Variants in DCAF8L2 observed in about 807,000 individuals in gnomAD.
DCAF8L2 encodes DDB1- and CUL4-associated factor 8-like protein 2.
For synonymous variants in DCAF8L2, 200 were observed against 190.9 expected, an observed-to-expected ratio of 1.05 and a Z score of -0.39; for missense variants, 430 against 490.7, an observed-to-expected ratio of 0.88 and a Z score of 1.17.
chrX:27,474,559 A>G, the DCAF8L2 span, among the ~76,000 whole-genome samples: 1 of 112,025 alleles, frequency 8.9e-6, no homozygotes, highest in Non-Finnish European at 1.9e-5. Flanking sequence ...AAGTGGAACT[A>G]TTACCTACTT....
chrX:27,688,712 T>C (rs772889195), intron 3 of DCAF8L2, among the ~76,000 whole-genome samples: 140 of 111,700 alleles, frequency 1.3e-3, no homozygotes, highest in African/African-American at 4.5e-3. Flanking sequence ...GTTAGAAAAC[T>C]TTAAAATGTT....
chrX:27,541,433 G>A, the DCAF8L2 span, among the ~76,000 whole-genome samples: 48 of 106,989 alleles, frequency 4.5e-4, no homozygotes, highest in African/African-American at 1.6e-3. Flanking sequence ...GCAATGGCGC[G>A]ATCTCAGCTC....
chrX:27,578,039 C>CA, the DCAF8L2 span, among the ~76,000 whole-genome samples: 1 of 110,982 alleles, frequency 9.0e-6, no homozygotes, highest in Non-Finnish European at 1.9e-5. Flanking sequence ...TAGAGAATTA[C>CA]AAAAAACAAC....
the DCAF8L2 span, among the ~76,000 whole-genome samples, chrX:27,541,515 T>TGGTA: frequency 9.3e-6 from 1 of 107,907 alleles, no homozygotes; most frequent in Non-Finnish European, 1.9e-5. Flanking sequence ...GATTCAGGCA[T>TGGTA]GCGCTACCAT....
At chrX:27,554,184 C>T in the DCAF8L2 span, among the ~76,000 whole-genome samples, 5 of 111,720 alleles carry the variant, frequency 4.5e-5, no homozygotes, top group African/African-American at 1.6e-4. Context: ...TGTTTGTTGA[C>T]CCTTGCATTA....
At chrX:27,586,348 C>T (rs1012657108), upstream of DCAF8L2, among the ~76,000 whole-genome samples, 8 of 111,483 alleles carry the variant, frequency 7.2e-5, no homozygotes, top group South Asian at 3.7e-4. Context: ...AAAAACCCAG[C>T]GTCAGTATTT....
the DCAF8L2 span, among the ~76,000 whole-genome samples, chrX:27,507,099 C>T: frequency 9.0e-6 from 1 of 111,530 alleles, no homozygotes; most frequent in Non-Finnish European, 1.9e-5. Flanking sequence ...TTTTCTGTAA[C>T]GTAATTGTCT....
the DCAF8L2 span, among the ~76,000 whole-genome samples, chrX:27,577,650 C>T: frequency 9.0e-6 from 1 of 110,831 alleles, no homozygotes; most frequent in African/African-American, 3.3e-5. Context: ...TCTAGAAAAC[C>T]CTGTCGTCTT....
At chrX:27,532,360 G>GA in the DCAF8L2 span, among the ~76,000 whole-genome samples, 1 of 111,582 alleles carries the variant, frequency 9.0e-6, no homozygotes, top group Admixed American at 9.6e-5. Context: ...GCACCAATCT[G>GA]AAAGGGCTTC....
At chrX:27,676,485 A>G (rs971160476) in intron 2 of DCAF8L2, among the ~76,000 whole-genome samples, 1 of 111,202 alleles carries the variant, frequency 9.0e-6, no homozygotes, top group African/African-American at 3.3e-5. Flanking sequence ...GAACTATGTT[A>G]CCTTAGGAAA....
chrX:27,671,379 C>A (rs1242434936), intron 2 of DCAF8L2, among the ~76,000 whole-genome samples: 2 of 112,017 alleles, frequency 1.8e-5, no homozygotes, highest in African/African-American at 6.5e-5. Context: ...TTTACTAAAT[C>A]CTTAAGTACT....
intron 3 of DCAF8L2, among the ~76,000 whole-genome samples, chrX:27,688,122 C>T (rs1423510638): frequency 1.8e-5 from 2 of 110,900 alleles, no homozygotes; most frequent in African/African-American, 6.5e-5. Context: ...AAGAAATGGG[C>T]TTAGATAAAA....
chrX:27,575,468 T>C, the DCAF8L2 span, among the ~76,000 whole-genome samples: 1 of 111,072 alleles, frequency 9.0e-6, no homozygotes, highest in Non-Finnish European at 1.9e-5. Context: ...GGACTATGCC[T>C]TCCTCTACCC....
chrX:27,530,087 T>C, the DCAF8L2 span, among the ~76,000 whole-genome samples: 1 of 111,710 alleles, frequency 9.0e-6, no homozygotes, highest in Non-Finnish European at 1.9e-5. Context: ...TCTCCAATTT[T>C]ATATGAAAAG....
At chrX:27,566,549 A>C in the DCAF8L2 span, among the ~76,000 whole-genome samples, 1 of 109,582 alleles carries the variant, frequency 9.1e-6, no homozygotes, top group Non-Finnish European at 1.9e-5. Context: ...AGACCCTTAA[A>C]ATCCTTTTTG....
At chrX:27,580,348 G>T in the DCAF8L2 span, among the ~76,000 whole-genome samples, 8 of 111,341 alleles carry the variant, frequency 7.2e-5, no homozygotes, top group African/African-American at 2.6e-4. Context: ...TGCCTCATTT[G>T]GATTGAGAGC....
At chrX:27,547,591 G>A in the DCAF8L2 span, among the ~76,000 whole-genome samples, 1 of 107,378 alleles carries the variant, frequency 9.3e-6, no homozygotes, top group African/African-American at 3.3e-5. Context: ...GCAGGTGAGA[G>A]AGAGAACATG....
the DCAF8L2 span, among the ~76,000 whole-genome samples, chrX:27,511,118 T>C: frequency 2.7e-5 from 3 of 111,166 alleles, no homozygotes; most frequent in African/African-American, 6.5e-5. Context: ...TACAAGTTTC[T>C]GCTTGTGTCA....
intron 4 of DCAF8L2, among the ~76,000 whole-genome samples, chrX:27,722,242 T>C (rs1272870070): frequency 2.0e-4 from 22 of 111,875 alleles, no homozygotes; most frequent in Admixed American, 1.8e-3. Flanking sequence ...CTTGATAAAA[T>C]AGAATTCAAC....
Sources: gnomAD v4.1 joint callset for allele counts (sites outside exome capture counted in the v4.1 genomes callset) on GRCh38, gnomAD v4.1.1 for gene constraint, MANE v1.5 for transcripts, NCBI Gene and HGNC (gene_info 2026-07-23, HGNC 2026-07-21) for gene names.